NLGN1: variants seen among roughly 807,000 people sequenced by gnomAD.
NLGN1 encodes the protein neuroligin-1.
A neutral mutation model predicts 65.5 loss-of-function variants in NLGN1; 12 were observed. The observed-to-expected ratio is 0.18, with a 90% confidence interval of 0.12 to 0.30. NLGN1 has a LOEUF of 0.30. Among genes scored for constraint, NLGN1 ranks in the 10% least tolerant of loss-of-function variants. The pLI is 1.00. For missense variants in NLGN1, 750 were observed against 1,007.1 expected, an observed-to-expected ratio of 0.74 and a Z score of 3.46; for synonymous variants, 350 against 359.5, an observed-to-expected ratio of 0.97 and a Z score of 0.30.
chr3:173,694,595 G>T (rs1021863859), intron 3 of NLGN1, among the ~76,000 whole-genome samples: 2 of 152,128 alleles, frequency 1.3e-5, no homozygotes, highest in Admixed American at 1.3e-4. Context: ...AATGAAACAT[G>T]TTTTTGTGCA....
intron 4 of NLGN1, among the ~76,000 whole-genome samples, chr3:173,992,140 A>T (rs188505130): frequency 6.6e-6 from 1 of 152,004 alleles, no homozygotes; most frequent in African/African-American, 2.4e-5. Flanking sequence ...TTTCAAACAT[A>T]TTTGCCTTTT....
intron 3 of NLGN1, among the ~76,000 whole-genome samples, chr3:173,790,685 T>TTG (rs148805626): frequency 1.1e-3 from 163 of 150,586 alleles, no homozygotes; most frequent in South Asian, 5.2e-3. Flanking sequence ...GTGAGTATGG[T>TTG]TGTGTGTGTG....
At chr3:173,456,406 A>G (rs1465383589) in intron 2 of NLGN1, among the ~76,000 whole-genome samples, 4 of 152,128 alleles carry the variant, frequency 2.6e-5, no homozygotes, top group African/African-American at 9.7e-5. Context: ...TTACTGCCTG[A>G]GTAATGCTGG....
At chr3:173,576,665 G>A (rs753740931) in intron 2 of NLGN1, among the ~76,000 whole-genome samples, 1 of 151,874 alleles carries the variant, frequency 6.6e-6, no homozygotes, top group African/African-American at 2.4e-5. Context: ...GTGATTACTT[G>A]GTACCCATCT....
At chr3:173,539,579 A>G (rs1738131674) in intron 2 of NLGN1, among the ~76,000 whole-genome samples, 1 of 139,976 alleles carries the variant, frequency 7.1e-6, no homozygotes, top group Non-Finnish European at 1.5e-5. Flanking sequence ...CATATATGTT[A>G]TGTTATATAT....
At chr3:174,136,335 C>A (rs1266502841) in intron 4 of NLGN1, 1 of 152,106 alleles carries the variant, frequency 6.6e-6, no homozygotes, top group East Asian at 1.9e-4. Flanking sequence ...ATAAATACTT[C>A]AGCCTGTTTC....
chr3:173,928,703 T>C (rs888924134), intron 4 of NLGN1, among the ~76,000 whole-genome samples: 1 of 148,650 alleles, frequency 6.7e-6, no homozygotes, highest in Admixed American at 6.7e-5. Flanking sequence ...AGATAGAGTC[T>C]CTCTGTTGCC....
intron 4 of NLGN1, among the ~76,000 whole-genome samples, chr3:174,148,407 A>C (rs1723736321): frequency 1.3e-5 from 2 of 152,202 alleles, no homozygotes; most frequent in Non-Finnish European, 2.9e-5. Flanking sequence ...AAAAGTGCTT[A>C]AATAAATATA....
intron 4 of NLGN1, among the ~76,000 whole-genome samples, chr3:173,988,911 CCT>C (rs1216489684): frequency 6.6e-6 from 1 of 152,120 alleles, no homozygotes; most frequent in Non-Finnish European, 1.5e-5. Context: ...TATTTAATCC[CCT>C]CTCAACCTTG....
chr3:174,134,945 G>C (rs529276334), intron 4 of NLGN1, among the ~76,000 whole-genome samples: 1 of 152,226 alleles, frequency 6.6e-6, no homozygotes, highest in African/African-American at 2.4e-5. Flanking sequence ...CTGGCACCCT[G>C]TCTGATATTT....
At chr3:173,545,846 G>T (rs760606568) in intron 2 of NLGN1, among the ~76,000 whole-genome samples, 2 of 151,944 alleles carry the variant, frequency 1.3e-5, no homozygotes, top group Non-Finnish European at 2.9e-5. Context: ...ACACAGGAAC[G>T]GAAAACCAAA....
At chr3:174,148,183 A>T (rs574858874) in intron 4 of NLGN1, among the ~76,000 whole-genome samples, 44 of 152,318 alleles carry the variant, frequency 2.9e-4, no homozygotes, top group Non-Finnish European at 5.4e-4. Flanking sequence ...TAGATGTTGC[A>T]CTGTTTTTCT....
chr3:173,500,628 T>G (rs1730927667), intron 2 of NLGN1, among the ~76,000 whole-genome samples: 1 of 152,196 alleles, frequency 6.6e-6, no homozygotes, highest in Non-Finnish European at 1.5e-5. Context: ...GAAGGAATGG[T>G]ACCAGCTCCT....
At chr3:173,619,383 A>G (rs1321468670) in intron 3 of NLGN1, among the ~76,000 whole-genome samples, 1 of 152,126 alleles carries the variant, frequency 6.6e-6, no homozygotes, top group African/African-American at 2.4e-5. Flanking sequence ...TCATTATCTG[A>G]TCAAACAATT....
At chr3:173,538,634 G>T (rs780335653) in intron 2 of NLGN1, among the ~76,000 whole-genome samples, 16 of 152,090 alleles carry the variant, frequency 1.1e-4, no homozygotes, top group Non-Finnish European at 1.6e-4. Context: ...GTCATGTCAG[G>T]GACTCATAGC....
At chr3:173,807,651 A>G (rs1321119954) in intron 3 of NLGN1, 29 bp from the exon 4 acceptor site, 4 of 1,608,138 alleles carry the variant, frequency 2.5e-6, no homozygotes, top group Non-Finnish European at 2.6e-6. Context: ...TTTGAGGATA[A>G]GAACGATTGC....
At chr3:173,560,818 C>G (rs16827830) in intron 2 of NLGN1, among the ~76,000 whole-genome samples, 2,609 of 152,156 alleles carry the variant, frequency 0.017, 79 homozygotes, top group African/African-American at 0.06. Flanking sequence ...TGAGATAGTT[C>G]AGTACTAGAG....
At chr3:173,457,441 T>C (rs1054930887) in intron 2 of NLGN1, among the ~76,000 whole-genome samples, 1 of 151,836 alleles carries the variant, frequency 6.6e-6, no homozygotes, top group African/African-American at 2.4e-5. Context: ...ATATGGGAAA[T>C]TGGGGGAGAG....
At chr3:173,411,886 A>G (rs1048486067) in intron 1 of NLGN1, among the ~76,000 whole-genome samples, 4 of 152,106 alleles carry the variant, frequency 2.6e-5, no homozygotes, top group African/African-American at 7.2e-5. Flanking sequence ...TGTTTCAAGC[A>G]GTGACGAAGC....
Sources: gnomAD v4.1 joint callset for allele counts (sites outside exome capture counted in the v4.1 genomes callset) on GRCh38, gnomAD v4.1.1 for gene constraint, MANE v1.5 for transcripts, NCBI Gene and HGNC (gene_info 2026-07-23, HGNC 2026-07-21) for gene names.